Variants in KIF16B observed in about 807,000 individuals in gnomAD.
KIF16B encodes kinesin family member 16B, also known as kinesin-like protein KIF16B.
KIF16B carries 98 observed loss-of-function variants against 156.3 expected under a neutral mutation model. That is an observed-to-expected ratio of 0.63 (90% confidence interval 0.53 to 0.74). KIF16B has a LOEUF of 0.74. KIF16B is among the 30% of genes least tolerant of loss of function. The pLI, the probability that KIF16B is intolerant of heterozygous loss-of-function variation, is 0.00. For synonymous variants in KIF16B, 564 were observed against 583.7 expected, an observed-to-expected ratio of 0.97 and a Z score of 0.49; for missense variants, 1,421 against 1,606.5, an observed-to-expected ratio of 0.88 and a Z score of 1.97.
At chr20:16,504,647 T>C (rs2068722728) in intron 9 of KIF16B, 100 bp from the exon 10 acceptor site, 1 of 888,858 alleles carries the variant, frequency 1.1e-6, no homozygotes, top group African/African-American at 1.7e-5. Context: ...CCCCAGGTCA[T>C]TGGAGAGACT....
intron 23 of KIF16B, among the ~76,000 whole-genome samples, chr20:16,338,778 C>T (rs892609156): frequency 6.6e-6 from 1 of 152,172 alleles, no homozygotes; most frequent in Non-Finnish European, 1.5e-5. Flanking sequence ...CATCAAGTGG[C>T]AATTGATGAC....
At chr20:16,401,344 T>C (rs1600296857) in intron 17 of KIF16B, among the ~76,000 whole-genome samples, 1 of 152,156 alleles carries the variant, frequency 6.6e-6, no homozygotes, top group East Asian at 1.9e-4. Flanking sequence ...AACATGATTT[T>C]GAGATTATTC....
rs1386277237 is a variant in KIF16B, at chr20:16,481,270, G to A, written c.1302+13021C>T. On this transcript the variant is annotated intron_variant, in intron 12 of 25. Coordinates refer to ENST00000354981, the MANE Select transcript of KIF16B (RefSeq NM_024704.5). Reference sequence around the variant, plus strand: ...GGAGTACAGTGAGCAATCACAGCTCGCTGCAGTCTCAACCTTCCAGGCTCA... The same window carrying A: ...GGAGTACAGTGAGCAATCACAGCTCACTGCAGTCTCAACCTTCCAGGCTCA... Among the ~76,000 whole-genome samples the A allele has an allele frequency of 4.6e-5, 7 of 152,134 alleles. No homozygotes were observed. In the South Asian group the frequency reaches 6.2e-4, roughly 14 times the overall value.
chr20:16,522,078 T>C (rs2069372833), intron 3 of KIF16B, among the ~76,000 whole-genome samples: 1 of 152,168 alleles, frequency 6.6e-6, no homozygotes, highest in Non-Finnish European at 1.5e-5. Flanking sequence ...TACCAAATTG[T>C]AAAGACCATC....
intron 23 of KIF16B, 29 bp downstream of exon 23, chr20:16,356,301 T>C: frequency 5.0e-6 from 8 of 1,613,748 alleles, no homozygotes; most frequent in Non-Finnish European, 6.8e-6. Context: ...CCAACCTCCA[T>C]TCTCCAGAAG....
chr20:16,573,088 C>T (rs1241745323), intron 1 of KIF16B, 141 bp downstream of exon 1: 2 of 750,144 alleles, frequency 2.7e-6, no homozygotes, highest in East Asian at 2.7e-5. Context: ...TCCAGGCCCC[C>T]AGAGGCCACA....
At chr20:16,524,740 A>G (rs2069476008) in intron 3 of KIF16B, among the ~76,000 whole-genome samples, 1 of 152,216 alleles carries the variant, frequency 6.6e-6, no homozygotes, top group Admixed American at 6.5e-5. Context: ...TGTTTATTGC[A>G]GCACTATTCA....
intron 12 of KIF16B, among the ~76,000 whole-genome samples, chr20:16,462,329 G>A (rs74898140): frequency 2.0e-5 from 3 of 152,074 alleles, no homozygotes; most frequent in Non-Finnish European, 4.4e-5. Context: ...TCCTCACCCG[G>A]TTCTCTCACA....
chr20:16,512,847 G>T lies in KIF16B; in HGVS notation c.425C>A (p.Ala142Asp), dbSNP rs2069000342. Residue 142 changes from alanine (A) to aspartate (D), a missense_variant, in exon 5 of 26, where the codon GCT becomes GAT. Coordinates refer to ENST00000354981, the MANE Select transcript of KIF16B (RefSeq NM_024704.5). ...CTACCTGACTTCAGTTCGAAAAGAA[G>T]CTTCATCCCATCTGGTGGTTTCATT... The part of the protein sequence containing the change: ...RINETTRWDE[A>D]SFRTEVSYLE... 1.2e-6 allele frequency: 2 copies of T among 1,613,528 alleles called. No homozygotes were observed. Among genetic ancestry groups the T allele is most frequent in the Non-Finnish European group, 1.7e-6 (2 of 1,179,556 alleles).
chr20:16,503,981 A>T (rs556398390), intron 10 of KIF16B, among the ~76,000 whole-genome samples: 2 of 152,206 alleles, frequency 1.3e-5, no homozygotes, highest in Non-Finnish European at 2.9e-5. Context: ...AGGTGTTCAA[A>T]CAAGTCTTTT....
intron 12 of KIF16B, among the ~76,000 whole-genome samples, chr20:16,460,764 A>G (rs2067326483): frequency 6.6e-6 from 1 of 152,170 alleles, no homozygotes; most frequent in Non-Finnish European, 1.5e-5. Context: ...GTTTATTAAT[A>G]CAAATATAGT....
chr20:16,529,082 G>C (rs760108787), intron 1 of KIF16B, among the ~76,000 whole-genome samples: 6 of 152,194 alleles, frequency 3.9e-5, no homozygotes, highest in Admixed American at 1.3e-4. Flanking sequence ...GGGATATACT[G>C]TTCAGTGGAG....
chr20:16,568,908 G>A (rs182566752), intron 1 of KIF16B, among the ~76,000 whole-genome samples: 2 of 143,852 alleles, frequency 1.4e-5, no homozygotes, highest in African/African-American at 5.1e-5. Context: ...AGTTAACTAT[G>A]TGCTATGATC....
At chr20:16,564,555 T>C (rs2071183277) in intron 1 of KIF16B, among the ~76,000 whole-genome samples, 1 of 151,726 alleles carries the variant, frequency 6.6e-6, no homozygotes, top group African/African-American at 2.4e-5. Context: ...GAGATATACC[T>C]AATGTTAAAT....
intron 12 of KIF16B, among the ~76,000 whole-genome samples, chr20:16,433,287 A>G (rs1327250183): frequency 6.6e-6 from 1 of 151,828 alleles, no homozygotes; most frequent in East Asian, 1.9e-4. Context: ...CATGAAAAGG[A>G]AAGTGACCAT....
chr20:16,373,058 A>G (rs2064861738), intron 20 of KIF16B, among the ~76,000 whole-genome samples: 1 of 152,222 alleles, frequency 6.6e-6, no homozygotes, highest in Admixed American at 6.5e-5. Flanking sequence ...TCACTAAATA[A>G]ATAAGTAAAT....
At chr20:16,300,016 G>A (rs1052965140) in intron 25 of KIF16B, among the ~76,000 whole-genome samples, 7 of 152,276 alleles carry the variant, frequency 4.6e-5, no homozygotes, top group African/African-American at 1.7e-4. Context: ...AATTATAGGG[G>A]AAAAGGATCT....
chr20:16,322,348 C>A (rs1316163405), intron 24 of KIF16B, among the ~76,000 whole-genome samples: 2 of 151,796 alleles, frequency 1.3e-5, no homozygotes, highest in Non-Finnish European at 2.9e-5. Flanking sequence ...AACCACCAAG[C>A]CTCTACATTT....
intron 10 of KIF16B, among the ~76,000 whole-genome samples, chr20:16,500,281 G>T (rs1175909108): frequency 6.6e-6 from 1 of 152,066 alleles, no homozygotes; most frequent in African/African-American, 2.4e-5. Context: ...GAAAGCATTT[G>T]AAACTCTATT....
Sources: allele counts gnomAD v4.1 joint callset (sites outside exome capture counted in the v4.1 genomes callset), GRCh38; gene constraint gnomAD v4.1.1; transcripts MANE v1.5; gene names NCBI Gene and HGNC (gene_info 2026-07-23, HGNC 2026-07-21).